PRC1: variants seen among roughly 807,000 people sequenced by gnomAD.
PRC1 encodes protein regulator of cytokinesis 1.
In PRC1, 54 loss-of-function variants were observed where a neutral mutation model predicts 91.2. That is an observed-to-expected ratio of 0.59 (90% CI 0.48 to 0.74). The LOEUF (loss-of-function observed/expected upper bound fraction) is 0.74. PRC1 is among the 30% of genes least tolerant of loss of function. The pLI is 0.00. For synonymous variants in PRC1, 275 were observed against 263.6 expected, an observed-to-expected ratio of 1.04 and a Z score of -0.42; for missense variants, 727 against 746.2, an observed-to-expected ratio of 0.97 and a Z score of 0.30.
chr15:90,971,564 G>A (rs1162625834), intron 11 of PRC1, among the ~76,000 whole-genome samples: 1 of 150,300 alleles, frequency 6.7e-6, no homozygotes, highest in Admixed American at 6.6e-5. Context: ...TTACAGGCTT[G>A]AGCCACTGTA....
intron 1 of PRC1, among the ~76,000 whole-genome samples, chr15:90,986,966 CAG>C (rs769033924): frequency 6.6e-6 from 1 of 151,694 alleles, no homozygotes; most frequent in Non-Finnish European, 1.5e-5. Flanking sequence ...ATTCCGTTGA[CAG>C]AGAGTTCAAA....
chr15:90,969,631 G>A lies in PRC1; in HGVS notation c.1573-8C>T, dbSNP rs199909836. 1.5e-5 allele frequency: 24 copies of A among 1,584,014 alleles called. No individual in the cohort carries two copies. The highest frequency in any genetic ancestry group is 1.7e-4 in the Middle Eastern group (1 of 5,932). On this transcript the variant is annotated splice_region_variant and splice_polypyrimidine_tract_variant and intron_variant, in intron 12 of 14. Transcript: ENST00000394249. ...GGTGGAAGCAGCGACTGGCTGCAGA[G>A]AAAGGAAAGAGATCCATGTATCATC...
intron 6 of PRC1, 100 bp from the exon 7 acceptor site, chr15:90,980,489 C>T: frequency 8.7e-7 from 1 of 1,147,642 alleles, no homozygotes. Context: ...AATGCAAAGC[C>T]ACAAAGGTAT....
chr15:90,981,743 T>C lies in PRC1; in HGVS notation c.501+5A>G, dbSNP rs2039211949. ...TTTTAGGAAGAACAAATGTAGGCAGTGTACCTTTGTTTCCCTCAAAGTTGT... is the reference window on the plus strand; with the variant it reads ...TTTTAGGAAGAACAAATGTAGGCAGCGTACCTTTGTTTCCCTCAAAGTTGT... On this transcript the variant is annotated splice_donor_5th_base_variant and intron_variant, in intron 4 of 14. Coordinates refer to ENST00000394249, the MANE Select transcript of PRC1 (RefSeq NM_003981.4). 2 of 1,609,616 alleles carry C rather than the reference T, an allele frequency of 1.2e-6. No individual in the cohort carries two copies. Among genetic ancestry groups the C allele is most frequent in the African/African-American group, 2.7e-5 (2 of 74,860 alleles).
chr15:90,982,145 G>A, intron 3 of PRC1, 164 bp from the exon 4 acceptor site: 1 of 661,036 alleles, frequency 1.5e-6, no homozygotes, highest in Non-Finnish European at 2.6e-6. Context: ...CCTAAGGAAG[G>A]TCCCAGTGAG....
rs780681244 is a variant in PRC1, at chr15:90,974,564, TGCGTTC to T, written c.1350+15_1350+20del. 14 of 1,614,010 alleles carry T rather than the reference TGCGTTC, an allele frequency of 8.7e-6. No individual in the cohort carries two copies. The highest frequency in any genetic ancestry group is 1.2e-5 in the Non-Finnish European group (14 of 1,179,954). ...TTACTTTCTTCGTCTTTTCCCAATT[TGCGTTC>T]ACGTTCACACTTACTCTTTCCTGCT... On this transcript the variant is annotated intron_variant, in intron 10 of 14. Transcript: ENST00000394249. The surrounding 1 kb of genome is among the most constrained non-coding windows in gnomAD (Gnocchi z 4.6).
At chr15:90,969,763 CAT>C (rs61067469) in intron 12 of PRC1, 140 bp from the exon 13 acceptor site, 3,075 of 130,182 alleles carry the variant, frequency 0.024, 45 homozygotes, top group Non-Finnish European at 0.035. Flanking sequence ...AAAAAAAAAA[CAT>C]ATATATATAT....
At position 90,969,535 on chromosome 15, in the gene PRC1, C is replaced by T. The variant is rs752921792; in HGVS notation, c.1661G>A (p.Ser554Asn). ...GCCAGGGTACCCACCACTCAGGATGCTGCCGTTGAGCTCCAGGTTCTCCTT... is the reference window on the plus strand; with the variant it reads ...GCCAGGGTACCCACCACTCAGGATGTTGCCGTTGAGCTCCAGGTTCTCCTT... ...ANKENLELNG[S>N]ILSGGYPGSA... is the part of the protein sequence containing the mutation. Residue 554 changes from serine to asparagine, a missense_variant, in exon 13 of 15, where the codon AGC (serine) becomes AAC (asparagine). Physicochemically the swap from Ser to Asn is conservative, Grantham distance 46. Transcript: ENST00000394249. The T allele has an allele frequency of 6.2e-7, 1 of 1,613,830 alleles. No individual in the cohort carries two copies. Among genetic ancestry groups the T allele is most frequent in the South Asian group, 1.1e-5 (1 of 91,052 alleles).
At chr15:90,990,264 A>C (rs2039887710) in intron 1 of PRC1, among the ~76,000 whole-genome samples, 1 of 151,748 alleles carries the variant, frequency 6.6e-6, no homozygotes, top group Non-Finnish European at 1.5e-5. Flanking sequence ...TGAATCCGGG[A>C]GGTGGAGGTT....
At chr15:90,968,073 G>C (rs559535644) in intron 14 of PRC1, 2 of 985,462 alleles carry the variant, frequency 2.0e-6, no homozygotes, top group African/African-American at 3.5e-5. Flanking sequence ...TACCGGCTTT[G>C]GTGCTGCCTG....
Position 90,974,473 on chromosome 15 carries a change from A to G in PRC1, c.1350+112T>C. The G allele has an allele frequency of 6.8e-7, 1 of 1,471,466 alleles. No homozygotes were observed. Among genetic ancestry groups the G allele is most frequent in the East Asian group, 2.3e-5 (1 of 43,972 alleles). 91.2% of individuals were successfully genotyped at this position (1,471,466 alleles called of 1,614,324 possible). A position where few individuals can be genotyped will look rare whatever the true frequency, so the allele number is the denominator to read the frequency against. On this transcript the variant is annotated intron_variant, in intron 10 of 14. Coordinates refer to ENST00000394249, the MANE Select transcript of PRC1 (RefSeq NM_003981.4). This position sits in a 1 kb window ranked among gnomAD's most constrained non-coding sequence, Gnocchi z 4.6. ...CCGGTCCCCGGCTTCCCGTTCCACA[A>G]GCCCCGGTCCCCGGCTCCCTGTTCC...
chr15:90,981,507 G>A lies in PRC1; in HGVS notation c.664C>T (p.Leu222=). The change falls in exon 5 of 15, where the codon CTA becomes TTA. Residue 222 remains leucine (L), a synonymous_variant. Coordinates refer to ENST00000394249, the MANE Select transcript of PRC1 (RefSeq NM_003981.4). ...ATTTGAGAAGACAGTACCTGCCGTA[G>A]CAACTTTTGTAGTGTTGCAATATTC... The part of the protein sequence containing the change: ...LENIATLQKL[L]RQLEMQKSQN... 1 of 1,613,766 alleles carries A rather than the reference G, an allele frequency of 6.2e-7. No homozygotes were observed. The highest frequency in any genetic ancestry group is 1.7e-5 in the Admixed American group (1 of 60,018).
chr15:90,973,904 G>C (rs2038414175), intron 11 of PRC1: 18 of 459,710 alleles, frequency 3.9e-5, no homozygotes, highest in Non-Finnish European at 6.6e-5. Flanking sequence ...AATAAATACT[G>C]AGGGAACTCA....
Position 90,981,576 on chromosome 15 carries a change from C to A in PRC1, c.595G>T (p.Asp199Tyr). The A allele has an allele frequency of 6.2e-7, 1 of 1,614,100 alleles. No homozygotes were observed. Among genetic ancestry groups the A allele is most frequent in the Non-Finnish European group, 8.5e-7 (1 of 1,180,020 alleles). Residue 199 changes from aspartate (D) to tyrosine (Y), a missense_variant, in exon 5 of 15, where the codon GAT becomes TAT. By Grantham distance (160) the Asp-to-Tyr change is radical. Transcript: ENST00000394249. ...GCATCTTCGTCTTCACACACCACAT[C>A]TCTTTCAAAGCTTGTGTCTGGGGTG... ...DHTPDTSFER[D>Y]VVCEDEDAFC...
At chr15:90,971,898 C>T (rs903229063) in intron 11 of PRC1, among the ~76,000 whole-genome samples, 5 of 151,976 alleles carry the variant, frequency 3.3e-5, no homozygotes, top group Admixed American at 6.6e-5. Flanking sequence ...CATAGTGGCG[C>T]GGGCCTGTAG....
In PRC1 at chr15:90,969,593, T is replaced by C. The variant is rs1345521910; in HGVS notation, c.1603A>G (p.Lys535Glu). ...CCATGCCTGCCAGTACGGGGTGTTT[T>C]CTTCCCTGAACAGGTGGAAGCAGCG... ...PVAASTCSGK[K>E]TPRTGRHGAN... The change falls in exon 13 of 15, where the codon AAA becomes GAA. Residue 535 changes from lysine to glutamate, a missense_variant. Lys to Glu is a moderately conservative substitution (Grantham distance 56, BLOSUM62 1). Coordinates refer to ENST00000394249, the MANE Select transcript of PRC1 (RefSeq NM_003981.4). 1 of 1,611,702 alleles carries C rather than the reference T, an allele frequency of 6.2e-7. No homozygotes were observed. The highest frequency in any genetic ancestry group is 8.5e-7 in the Non-Finnish European group (1 of 1,178,890).
At chr15:90,992,148 C>T (rs987747830) in intron 1 of PRC1, among the ~76,000 whole-genome samples, 9 of 152,110 alleles carry the variant, frequency 5.9e-5, no homozygotes, top group African/African-American at 1.9e-4. Flanking sequence ...CAGAGATCAC[C>T]TTCTCAGGGA....
rs67427806 is a variant in PRC1 at position 90,993,070 on chromosome 15, C to CAAAAAA, written c.11+1331_11+1336dup. ...TGGGCGACAGAGTGAGACCCCGTCT[C>CAAAAAA]AAAAAAAAAAAAAAAAAAAAAAAAA... On this transcript the variant is annotated intron_variant, in intron 1 of 14. Transcript: ENST00000394249. 2.8e-3 allele frequency among the ~76,000 whole-genome samples: 87 copies of CAAAAAA among 30,940 alleles called. 7 individuals are homozygous for CAAAAAA. The highest frequency in any genetic ancestry group is 4.8e-3 in the African/African-American group (47 of 9,752). 20.3% of individuals were successfully genotyped at this position (30,940 alleles called of 152,430 possible).
At chr15:90,989,008 TG>T (rs1334375720) in intron 1 of PRC1, among the ~76,000 whole-genome samples, 1 of 152,168 alleles carries the variant, frequency 6.6e-6, no homozygotes, top group Non-Finnish European at 1.5e-5. Context: ...GCAAAGAATC[TG>T]AATAGACATT....
Sources: gnomAD v4.1 joint callset for allele counts (sites outside exome capture counted in the v4.1 genomes callset) on GRCh38, gnomAD v4.1.1 for gene constraint, Gnocchi (gnomAD v3.1) non-coding constraint, MANE v1.5 for transcripts, NCBI Gene and HGNC (gene_info 2026-07-23, HGNC 2026-07-21) for gene names.